The following SPECC1 variants were observed in gnomAD, a reference collection of about 807,000 sequenced individuals.
The protein encoded by SPECC1 is sperm antigen with calponin homology and coiled-coil domains 1.
In SPECC1, 62 loss-of-function variants were observed where a neutral mutation model predicts 104.1. That is an observed-to-expected ratio of 0.60 (90% confidence interval 0.49 to 0.74). SPECC1 has a LOEUF of 0.74. SPECC1 is among the 30% of genes least tolerant of loss of function. SPECC1 has a pLI of 0.00. For missense variants in SPECC1, 1,306 were observed against 1,310.5 expected (o/e 1.00, Z 0.05); for synonymous variants, 513 against 501.6 (o/e 1.02, Z -0.30).
chr17:20,309,522 G>T (rs957343750), intron 14 of SPECC1, among the ~76,000 whole-genome samples: 1 of 152,128 alleles, frequency 6.6e-6, no homozygotes, highest in African/African-American at 2.4e-5. Context: ...CATAGTAGCC[G>T]ATAGTTTTTC....
chr17:20,142,184 T>G (rs2030894090), intron 3 of SPECC1, among the ~76,000 whole-genome samples: 1 of 152,252 alleles, frequency 6.6e-6, no homozygotes, highest in African/African-American at 2.4e-5. Flanking sequence ...GGTTAATAAA[T>G]ACTTTTTATT....
intron 3 of SPECC1, among the ~76,000 whole-genome samples, chr17:20,202,863 A>T (rs1259041671): frequency 1.3e-5 from 2 of 152,192 alleles, no homozygotes; most frequent in African/African-American, 4.8e-5. Flanking sequence ...CTTTCCAGAA[A>T]CTTAATTTGA....
chr17:20,148,359 C>A (rs1273824522), intron 3 of SPECC1, among the ~76,000 whole-genome samples: 2 of 151,850 alleles, frequency 1.3e-5, no homozygotes, highest in South Asian at 2.1e-4. Flanking sequence ...CCCACCTCAG[C>A]CTCCCGAGTA....
chr17:20,015,965 A>C (rs1324720154), intron 1 of SPECC1, among the ~76,000 whole-genome samples: 11 of 146,144 alleles, frequency 7.5e-5, no homozygotes, highest in Admixed American at 6.1e-4. Context: ...TAATCCCAGC[A>C]CTTTGGGAGG....
intron 3 of SPECC1, among the ~76,000 whole-genome samples, chr17:20,139,913 A>G (rs992432469): frequency 3.9e-5 from 6 of 152,004 alleles, no homozygotes; most frequent in Admixed American, 6.6e-5. Context: ...TGACGTTGTG[A>G]TCCGCCTGTC....
intron 7 of SPECC1, chr17:20,238,936 C>A (rs1243124635): frequency 1.6e-5 from 17 of 1,040,342 alleles, no homozygotes; most frequent in Non-Finnish European, 2.0e-5. Flanking sequence ...TTCTGCAGGG[C>A]CTTTATGTCG....
chr17:20,307,278 A>T (rs2041795579), intron 14 of SPECC1, among the ~76,000 whole-genome samples: 1 of 152,254 alleles, frequency 6.6e-6, no homozygotes, highest in Non-Finnish European at 1.5e-5. Context: ...TAACAATAGT[A>T]GTTTTAGAAC....
intron 1 of SPECC1, among the ~76,000 whole-genome samples, chr17:20,033,132 T>C (rs2044894897): frequency 6.6e-6 from 1 of 151,890 alleles, no homozygotes; most frequent in African/African-American, 2.4e-5. Flanking sequence ...CCTGGCTAAT[T>C]TTTGTATTTT....
At chr17:20,210,212 C>G (rs948579061) in intron 4 of SPECC1, among the ~76,000 whole-genome samples, 1 of 152,184 alleles carries the variant, frequency 6.6e-6, no homozygotes, top group African/African-American at 2.4e-5. Flanking sequence ...ATCTGGAAAC[C>G]TGGTTTAAAC....
chr17:20,100,643 AATT>A (rs985194969), intron 2 of SPECC1, among the ~76,000 whole-genome samples: 1 of 152,098 alleles, frequency 6.6e-6, no homozygotes, highest in Non-Finnish European at 1.5e-5. Context: ...TTTTAATTCG[AATT>A]ATTATTTTTT....
At chr17:20,018,326 T>C (rs996662127) in intron 1 of SPECC1, among the ~76,000 whole-genome samples, 3 of 152,260 alleles carry the variant, frequency 2.0e-5, no homozygotes, top group African/African-American at 7.2e-5. Context: ...TCTTTTGATT[T>C]AGTGTTTTAA....
chr17:20,078,149 A>G (rs1186689936), intron 1 of SPECC1, among the ~76,000 whole-genome samples: 2 of 150,614 alleles, frequency 1.3e-5, no homozygotes, highest in African/African-American at 4.9e-5. Flanking sequence ...TCTATGGCTT[A>G]AGACAACCTT....
chr17:20,234,056 C>T (rs1283228632), intron 7 of SPECC1, among the ~76,000 whole-genome samples: 1 of 152,186 alleles, frequency 6.6e-6, no homozygotes, highest in African/African-American at 2.4e-5. Context: ...TTCTGAGACA[C>T]AGGCCAGACC....
chr17:20,031,728 G>A (rs116793737), intron 1 of SPECC1, among the ~76,000 whole-genome samples: 142 of 152,218 alleles, frequency 9.3e-4, no homozygotes, highest in Admixed American at 2.6e-3. Context: ...ACTACCCTAG[G>A]TATTTCATAC....
chr17:20,258,925 T>C (rs1305122956), intron 11 of SPECC1, among the ~76,000 whole-genome samples: 1 of 152,256 alleles, frequency 6.6e-6, no homozygotes, highest in Non-Finnish European at 1.5e-5. Flanking sequence ...TATGCTATAA[T>C]TTAGTTGACA....
intron 14 of SPECC1, 163 bp downstream of exon 14, chr17:20,306,245 A>G (rs1193775131): frequency 5.3e-6 from 3 of 564,986 alleles, no homozygotes; most frequent in African/African-American, 1.9e-5. Context: ...ATCACATATC[A>G]ACATATGATT....
intron 3 of SPECC1, among the ~76,000 whole-genome samples, chr17:20,151,946 G>C (rs2032044161): frequency 6.6e-6 from 1 of 151,928 alleles, no homozygotes; most frequent in Non-Finnish European, 1.5e-5. Context: ...CTACTTGGGA[G>C]GCTGAGGCAG....
chr17:20,277,399 T>A (rs961801613), intron 12 of SPECC1, among the ~76,000 whole-genome samples: 12 of 152,162 alleles, frequency 7.9e-5, no homozygotes, highest in African/African-American at 2.4e-4. Context: ...ACTTTTTTTT[T>A]AAAATGATGC....
intron 1 of SPECC1, among the ~76,000 whole-genome samples, chr17:20,014,109 T>C (rs1300390804): frequency 6.6e-6 from 1 of 152,226 alleles, no homozygotes; most frequent in African/African-American, 2.4e-5. Context: ...TTGCTCCACA[T>C]TCTTGCCAAC....
Sources: gnomAD v4.1 joint callset for allele counts (sites outside exome capture counted in the v4.1 genomes callset) on GRCh38, gnomAD v4.1.1 for gene constraint, MANE v1.5 for transcripts, NCBI Gene and HGNC (gene_info 2026-07-23, HGNC 2026-07-21) for gene names.